DGKG: variants seen among roughly 807,000 people sequenced by gnomAD.
The protein encoded by DGKG is diacylglycerol kinase gamma.
A neutral mutation model predicts 105.3 loss-of-function variants in DGKG; 78 were observed. The ratio of observed to expected loss-of-function variants is 0.74; its 90% CI spans 0.62 to 0.89. DGKG has a LOEUF of 0.89. Among genes scored for constraint, DGKG ranks in the 40% least tolerant of loss-of-function variants. DGKG has a pLI of 0.00. For missense variants in DGKG, 958 were observed against 1,020.1 expected (o/e 0.94, Z 0.83); for synonymous variants, 346 against 367.1 (o/e 0.94, Z 0.66).
chr3:186,288,841 T>A lies in DGKG; in HGVS notation c.413A>T (p.Gln138Leu). ...GGGTTCCAGGGGGGTCGCAGCCACT[T>A]GGTCTTCAGCTGGTGCTTGCTTCTC... The part of the protein sequence containing the change: ...MAEKQAPAED[Q>L]VAATPLEPPV... The change falls in exon 6 of 25, where the codon CAA (glutamine) becomes CTA (leucine). Residue 138 changes from glutamine (Q) to leucine (L), a missense_variant. Gln to Leu is a moderately radical substitution (Grantham distance 113). Around this residue, in one of 2 missense-constraint regions of DGKG, gnomAD observed 643 missense variants for 619.5 expected, o/e 1.04. Coordinates refer to ENST00000265022, the MANE Select transcript of DGKG (RefSeq NM_001346.3). 1 of 1,604,746 alleles carries A rather than the reference T, an allele frequency of 6.2e-7. No homozygotes were observed. Among genetic ancestry groups the A allele is most frequent in the Non-Finnish European group, 8.5e-7 (1 of 1,175,920 alleles).
At chr3:186,228,609 C>A (rs1047606756) in intron 20 of DGKG, among the ~76,000 whole-genome samples, 4 of 152,176 alleles carry the variant, frequency 2.6e-5, no homozygotes, top group Non-Finnish European at 4.4e-5. Context: ...GAACCTCCGG[C>A]CTCTCCGCTC....
intron 22 of DGKG, among the ~76,000 whole-genome samples, chr3:186,174,878 G>A (rs1426332807): frequency 6.6e-6 from 1 of 152,160 alleles, no homozygotes; most frequent in Non-Finnish European, 1.5e-5. Context: ...TACTCTCAGG[G>A]CTCTGTAAAG....
chr3:186,281,952 T>A (rs183750050), intron 7 of DGKG, among the ~76,000 whole-genome samples: 1 of 152,218 alleles, frequency 6.6e-6, no homozygotes, highest in East Asian at 1.9e-4. Flanking sequence ...ATTCCAGGAA[T>A]GGCATTTACA....
At chr3:186,242,332 T>C (rs1207348823) in intron 20 of DGKG, among the ~76,000 whole-genome samples, 172 bp downstream of exon 20, 1 of 152,080 alleles carries the variant, frequency 6.6e-6, no homozygotes, top group Non-Finnish European at 1.5e-5. Context: ...CTGCGCCAAG[T>C]TTCTGACACT....
chr3:186,155,547 T>A (rs541853470), intron 24 of DGKG, among the ~76,000 whole-genome samples: 1 of 152,358 alleles, frequency 6.6e-6, no homozygotes, highest in African/African-American at 2.4e-5. Flanking sequence ...AATTTCCAAC[T>A]TTTTGCAATG....
chr3:186,235,815 G>T (rs1325051883), intron 20 of DGKG, among the ~76,000 whole-genome samples: 2 of 152,160 alleles, frequency 1.3e-5, no homozygotes, highest in Non-Finnish European at 2.9e-5. Context: ...AAGTATCCGT[G>T]AGGGAGGGTT....
Position 186,165,931 on chromosome 3 carries a change from A to G in DGKG, c.2096-913T>C, listed in dbSNP as rs985357272. On this transcript the variant is annotated intron_variant, in intron 22 of 24. Transcript: ENST00000265022. The stretch of plus-strand genomic sequence containing the variant: ...TTCCTTTGCCTACCAAGGCAAGAGT[A>G]GCTTTCTCATAAGTTGTGGCTAATC... 1.3e-5 allele frequency among the ~76,000 whole-genome samples: 2 copies of G among 152,264 alleles called. 1 individual carries two copies. Among genetic ancestry groups the G allele is most frequent in the Admixed American group, 1.3e-4 (2 of 15,286 alleles).
chr3:186,267,480 C>T, intron 13 of DGKG: 1 of 531,292 alleles, frequency 1.9e-6, no homozygotes, highest in East Asian at 3.2e-5. Context: ...GCACAACAAA[C>T]TCCCGCAAGA....
intron 24 of DGKG, chr3:186,158,560 CT>C: frequency 1.1e-6 from 1 of 951,308 alleles, no homozygotes; most frequent in Admixed American, 6.2e-5. Flanking sequence ...TTTTATGGAG[CT>C]TTTTGCCTTG....
At chr3:186,164,862 G>A (rs1377002234) in intron 23 of DGKG, 36 bp downstream of exon 23, 4 of 1,591,956 alleles carry the variant, frequency 2.5e-6, no homozygotes, top group Non-Finnish European at 3.4e-6. Flanking sequence ...CGCAGGCGGG[G>A]AGATGCAGAG....
chr3:186,186,068 G>C (rs1415901107), intron 22 of DGKG, among the ~76,000 whole-genome samples: 1 of 132,406 alleles, frequency 7.6e-6, no homozygotes, highest in Non-Finnish European at 1.5e-5. Context: ...CTGCACTCTA[G>C]CCTGGGTGAC....
intron 1 of DGKG, among the ~76,000 whole-genome samples, chr3:186,342,072 C>T (rs138257145): frequency 6.1e-4 from 93 of 152,170 alleles, no homozygotes; most frequent in African/African-American, 1.9e-3. Flanking sequence ...TGCTAGATGA[C>T]GAGTTAGTGG....
intron 1 of DGKG, among the ~76,000 whole-genome samples, chr3:186,354,513 A>G (rs1560169977): frequency 6.6e-6 from 1 of 152,216 alleles, no homozygotes; most frequent in Admixed American, 6.5e-5. Flanking sequence ...TTAACTGGGC[A>G]GGCAAGTCTG....
Position 186,342,284 on chromosome 3 carries a change from A to G in DGKG, c.-249+19662T>C, listed in dbSNP as rs1337540587. ...GCACCTAGAGATATCATGAGTGAGC[A>G]GAATATGGTAAAGAACACATGTGAG... is the stretch of plus-strand genomic sequence containing the variant. On this transcript the variant is annotated intron_variant, in intron 1 of 24. Coordinates refer to ENST00000265022, the MANE Select transcript of DGKG (RefSeq NM_001346.3). 3.3e-5 allele frequency among the ~76,000 whole-genome samples: 5 copies of G among 152,232 alleles called. 1 individual carries two copies. The highest frequency in any genetic ancestry group is 7.3e-5 in the Non-Finnish European group (5 of 68,030).
At chr3:186,248,931 T>A (rs762142813) in intron 19 of DGKG, among the ~76,000 whole-genome samples, 3 of 152,184 alleles carry the variant, frequency 2.0e-5, no homozygotes, top group Non-Finnish European at 4.4e-5. Context: ...ACTCAATAAA[T>A]GTTAGCAAGT....
chr3:186,353,993 G>C (rs1046251010), intron 1 of DGKG, among the ~76,000 whole-genome samples: 2 of 152,074 alleles, frequency 1.3e-5, no homozygotes, highest in Non-Finnish European at 2.9e-5. Context: ...AGGCCTGCTG[G>C]ACATGCCGGC....
intron 1 of DGKG, among the ~76,000 whole-genome samples, chr3:186,336,042 C>T (rs941714719): frequency 6.6e-6 from 1 of 152,092 alleles, no homozygotes; most frequent in Admixed American, 6.6e-5. Flanking sequence ...TCAGGAATTG[C>T]CTTAACTCTA....
chr3:186,354,531 T>G (rs1353592407), intron 1 of DGKG, among the ~76,000 whole-genome samples: 1 of 152,220 alleles, frequency 6.6e-6, no homozygotes, highest in Non-Finnish European at 1.5e-5. Flanking sequence ...CTGGGTTTTG[T>G]CAGCTGCTGT....
At chr3:186,175,792 A>C (rs1022499469) in intron 22 of DGKG, among the ~76,000 whole-genome samples, 1 of 152,204 alleles carries the variant, frequency 6.6e-6, no homozygotes, top group Non-Finnish European at 1.5e-5. Context: ...AATGATCAAG[A>C]GAGTTAACCG....
Sources: gnomAD v4.1 joint callset for allele counts (sites outside exome capture counted in the v4.1 genomes callset) on GRCh38, gnomAD v4.1.1 for gene constraint, gnomAD v4.1.1 regional missense constraint, MANE v1.5 for transcripts, NCBI Gene and HGNC (gene_info 2026-07-23, HGNC 2026-07-21) for gene names.